Variants in RNF6 observed in about 807,000 individuals in gnomAD.
The protein encoded by RNF6 is E3 ubiquitin-protein ligase RNF6.
Under a neutral mutation model 50.1 loss-of-function variants are expected in RNF6, and 21 were observed. The ratio of observed to expected loss-of-function variants is 0.42; its 90% CI spans 0.30 to 0.60. RNF6 has a LOEUF of 0.60. Among genes scored for constraint, RNF6 ranks in the 20% least tolerant of loss-of-function variants. RNF6 has a pLI of 0.20. For synonymous variants in RNF6, 255 were observed against 291.8 expected (o/e 0.87, Z 1.29); for missense variants, 698 against 838.2 (o/e 0.83, Z 2.07).
intron 5 of RNF6, among the ~76,000 whole-genome samples, chr13:26,173,796 C>T (rs1872816124): frequency 6.6e-6 from 1 of 151,724 alleles, no homozygotes; most frequent in Admixed American, 6.6e-5. Context: ...ACTAAAAATA[C>T]AGAAATTAGC....
chr13:26,157,477 C>T (rs375033279), intron 5 of RNF6, among the ~76,000 whole-genome samples: 21 of 151,792 alleles, frequency 1.4e-4, no homozygotes, highest in Admixed American at 5.9e-4. Flanking sequence ...AGATTTGTAG[C>T]GCATTTGAAA....
At chr13:26,177,294 C>T (rs1873004149) in intron 5 of RNF6, among the ~76,000 whole-genome samples, 1 of 152,176 alleles carries the variant, frequency 6.6e-6, no homozygotes, top group African/African-American at 2.4e-5. Flanking sequence ...CTCCCATTCA[C>T]TCCTCAACTC....
At chr13:26,138,343 TAA>T (rs1593140190) in intron 5 of RNF6, among the ~76,000 whole-genome samples, 1 of 152,094 alleles carries the variant, frequency 6.6e-6, no homozygotes, top group East Asian at 1.9e-4. Flanking sequence ...TGCCCTACAA[TAA>T]ATACTAAAGG....
At chr13:26,193,511 T>C (rs1482098668) in intron 5 of RNF6, among the ~76,000 whole-genome samples, 1 of 152,148 alleles carries the variant, frequency 6.6e-6, no homozygotes, top group African/African-American at 2.4e-5. Context: ...AAGAAAAACT[T>C]AAGTAGACTG....
At chr13:26,189,260 G>A (rs61946796) in intron 5 of RNF6, among the ~76,000 whole-genome samples, 6,332 of 152,082 alleles carry the variant, frequency 0.042, 170 homozygotes, top group Middle Eastern at 0.085. Context: ...CCCGGGAGGC[G>A]GAGGTTGCAG....
intron 5 of RNF6, among the ~76,000 whole-genome samples, chr13:26,160,190 A>G (rs114020164): frequency 0.011 from 1,622 of 152,284 alleles, 27 homozygotes; most frequent in African/African-American, 0.035. Context: ...AAGAGAATCT[A>G]CTTAGTATCA....
At chr13:26,153,178 C>A (rs1329331822) in intron 5 of RNF6, among the ~76,000 whole-genome samples, 1 of 149,722 alleles carries the variant, frequency 6.7e-6, no homozygotes, top group Non-Finnish European at 1.5e-5. Flanking sequence ...AAAGAAAAGA[C>A]TAAAGATGTA....
rs191647665 is a variant in RNF6, at chr13:26,218,721, A to C, written c.194-115T>G. ...AGAAGACAAATGTCTTATTACTTTC[A>C]TATGTTCTGTAAATTGAAGACAGTT... On this transcript the variant is annotated intron_variant, in intron 3 of 4. Coordinates refer to ENST00000381588, the MANE Select transcript of RNF6 (RefSeq NM_005977.4). 1.1e-3 allele frequency: 755 copies of C among 717,304 alleles called. 7 individuals are homozygous for C. The Middle Eastern group carries it at 0.012, about 12-fold the overall frequency. 44.4% of individuals were successfully genotyped at this position (717,304 alleles called of 1,614,324 possible).
In RNF6 at chr13:26,218,578, C is replaced by T. The variant is rs1593200660; in HGVS notation, c.222G>A (p.Gln74=). The T allele has an allele frequency of 1.2e-6, 2 of 1,613,916 alleles. No homozygotes were observed. Among genetic ancestry groups the T allele is most frequent in the Non-Finnish European group, 8.5e-7 (1 of 1,179,876 alleles). ...PGEITSEELQ[Q]RLDGVKEQLA... is the part of the protein sequence containing the mutation. ...GTTGTTCCTTGACGCCATCTAACCG[C>T]TGTTGCAGTTCTTCTGATGTTATTT... The change falls in exon 4 of 5, where the codon CAG becomes CAA. Residue 74 remains glutamine, a synonymous_variant. Transcript: ENST00000381588.
chr13:26,177,976 A>AG (rs1238519343), intron 5 of RNF6, among the ~76,000 whole-genome samples: 1 of 152,192 alleles, frequency 6.6e-6, no homozygotes, highest in East Asian at 1.9e-4. Context: ...ACCTGAGGTC[A>AG]GGAGTTTGAG....
chr13:26,184,461 GC>G (rs1488693702), intron 5 of RNF6, among the ~76,000 whole-genome samples: 5 of 152,242 alleles, frequency 3.3e-5, no homozygotes, highest in Non-Finnish European at 7.4e-5. Flanking sequence ...TATGCTTTTT[GC>G]TCTAGAAGTC....
chr13:26,212,103 T>G (rs554696272), downstream of RNF6, among the ~76,000 whole-genome samples: 34 of 152,352 alleles, frequency 2.2e-4, no homozygotes, highest in African/African-American at 7.9e-4. Context: ...AGTTCTCTTA[T>G]TGGTTTCTTT....
intron 5 of RNF6, among the ~76,000 whole-genome samples, chr13:26,175,408 C>T (rs940908235): frequency 5.9e-5 from 9 of 152,116 alleles, no homozygotes; most frequent in African/African-American, 1.7e-4. Flanking sequence ...GGACACCTGA[C>T]GCGAAGAGTA....
chr13:26,173,145 G>A (rs999086980), intron 5 of RNF6, among the ~76,000 whole-genome samples: 2 of 152,166 alleles, frequency 1.3e-5, no homozygotes, highest in African/African-American at 2.4e-5. Flanking sequence ...GAGTATAAAC[G>A]GATACAACCA....
intron 5 of RNF6, among the ~76,000 whole-genome samples, chr13:26,189,570 TA>T (rs1406959339): frequency 6.6e-6 from 1 of 152,206 alleles, no homozygotes; most frequent in Admixed American, 6.5e-5. Flanking sequence ...GCCCCAATCT[TA>T]AGGAAACTCT....
intron 5 of RNF6, among the ~76,000 whole-genome samples, chr13:26,193,019 T>A (rs756732706): frequency 9.2e-5 from 14 of 152,218 alleles, no homozygotes; most frequent in Non-Finnish European, 1.6e-4. Context: ...GGTATGGATT[T>A]ACCATTTACT....
chr13:26,204,139 T>C (rs1593185252), intron 5 of RNF6, among the ~76,000 whole-genome samples: 1 of 152,134 alleles, frequency 6.6e-6, no homozygotes, highest in African/African-American at 2.4e-5. Context: ...TTCCTGTATG[T>C]ATAATTCTGT....
At chr13:26,193,426 T>C (rs976912192) in intron 5 of RNF6, among the ~76,000 whole-genome samples, 2 of 152,142 alleles carry the variant, frequency 1.3e-5, no homozygotes, top group Non-Finnish European at 1.5e-5. Flanking sequence ...GAAATCATGA[T>C]GGTAGGTCAA....
At chr13:26,220,473 T>C (rs1195166432) in intron 2 of RNF6, among the ~76,000 whole-genome samples, 1 of 152,232 alleles carries the variant, frequency 6.6e-6, no homozygotes, top group Non-Finnish European at 1.5e-5. Flanking sequence ...ACTTTTAAAT[T>C]ACATGGAAAT....
Sources: gnomAD v4.1 joint callset for allele counts (sites outside exome capture counted in the v4.1 genomes callset) on GRCh38, gnomAD v4.1.1 for gene constraint, MANE v1.5 for transcripts, NCBI Gene and HGNC (gene_info 2026-07-23, HGNC 2026-07-21) for gene names.